HIF1A: variants seen among roughly 807,000 people sequenced by gnomAD.
HIF1A encodes hypoxia-inducible factor 1-alpha.
A neutral mutation model predicts 92.7 loss-of-function variants in HIF1A; 24 were observed. That is an observed-to-expected ratio of 0.26 (90% CI 0.19 to 0.36). The LOEUF is 0.36. Among genes scored for constraint, HIF1A ranks in the 10% least tolerant of loss-of-function variants. HIF1A has a pLI of 1.00. For missense variants in HIF1A, 799 were observed against 998.5 expected (o/e 0.80, Z 2.69); for synonymous variants, 319 against 338.7 (o/e 0.94, Z 0.64).
intron 1 of HIF1A, among the ~76,000 whole-genome samples, chr14:61,712,006 A>C (rs947952791): frequency 2.0e-5 from 3 of 152,232 alleles, no homozygotes; most frequent in African/African-American, 4.8e-5. Flanking sequence ...CAAAATAGAC[A>C]AAAGTCTCCG....
At chr14:61,728,002 G>C (rs1218525456) in intron 6 of HIF1A, among the ~76,000 whole-genome samples, 4 of 135,180 alleles carry the variant, frequency 3.0e-5, no homozygotes, top group Non-Finnish European at 4.7e-5. Context: ...CTGGATGACA[G>C]AGCAAGACTC....
intron 1 of HIF1A, among the ~76,000 whole-genome samples, chr14:61,698,263 G>C (rs2044138378): frequency 6.6e-6 from 1 of 152,120 alleles, no homozygotes; most frequent in Non-Finnish European, 1.5e-5. Flanking sequence ...ATTCTATTTT[G>C]ATTGTCCTTT....
chr14:61,721,517 G>T lies in HIF1A; in HGVS notation c.235G>T (p.Asp79Tyr). 2 of 1,612,378 alleles carry T rather than the reference G, an allele frequency of 1.2e-6. No individual in the cohort carries two copies. Among genetic ancestry groups the T allele is most frequent in the Non-Finnish European group, 1.7e-6 (2 of 1,178,934 alleles). ...VRKLLDAGDL[D>Y]IEDDMKAQMN... ...TCTTGTGCCCTTTTTAGGTGATTTG[G>T]ATATTGAAGATGACATGAAAGCACA... Residue 79 changes from aspartate (D) to tyrosine (Y), a missense_variant, in exon 3 of 15, where the codon GAT becomes TAT. This residue lies in a region of HIF1A where 516 missense variants were observed against 721.0 expected (regional missense o/e 0.72). Transcript: ENST00000337138.
chr14:61,734,421 T>C, intron 8 of HIF1A, 136 bp downstream of exon 8: 1 of 628,300 alleles, frequency 1.6e-6, no homozygotes, highest in African/African-American at 1.9e-5. Context: ...CAAATTATTA[T>C]TTTCTATACT....
At chr14:61,710,832 A>C (rs2044297638) in intron 1 of HIF1A, among the ~76,000 whole-genome samples, 3 of 152,050 alleles carry the variant, frequency 2.0e-5, no homozygotes, top group Admixed American at 2.0e-4. Flanking sequence ...AGGCTGAGGC[A>C]GGCGGATCAA....
Position 61,734,157 on chromosome 14 carries a change from C to A in HIF1A, c.900C>A (p.Val300=), listed in dbSNP as rs1470762935. ...CCCTAGTGTTTACTAAAGGACAAGT[C>A]ACCACAGGACAGTACAGGATGCTTG... ...THHDMFTKGQ[V]TTGQYRMLAK... is the part of the protein sequence containing the mutation. The change falls in exon 8 of 15, where the codon GTC becomes GTA. Residue 300 remains valine, a synonymous_variant. Coordinates refer to ENST00000337138, the MANE Select transcript of HIF1A (RefSeq NM_001530.4). The A allele has an allele frequency of 1.0e-5, 16 of 1,569,444 alleles. No individual in the cohort carries two copies. The Admixed American group carries it at 1.5e-4, about 15-fold the overall frequency.
Position 61,740,810 on chromosome 14 carries a change from TC to T in HIF1A, c.1717del (p.Gln573SerfsTer11). 6.2e-7 allele frequency: 1 copy of T among 1,614,118 alleles called. No individual in the cohort carries two copies. Among genetic ancestry groups the T allele is most frequent in the Non-Finnish European group, 8.5e-7 (1 of 1,179,990 alleles). ...LAPYIPMDDD[F>X]QLRSFDQLSP... ...CCCTATATCCCAATGGATGATGACT[TC>T]CAGTTACGTTCCTTCGATCAGTTGT... On this transcript the variant is annotated frameshift_variant, in exon 12 of 15. Transcript: ENST00000337138. LOFTEE classifies it high-confidence loss of function.
intron 12 of HIF1A, among the ~76,000 whole-genome samples, chr14:61,742,121 A>G (rs749608509): frequency 1.3e-5 from 2 of 152,230 alleles, no homozygotes; most frequent in East Asian, 1.9e-4. Context: ...TGTTACTTCT[A>G]TGGAGCTAGT....
rs376063813 is a variant in HIF1A, at chr14:61,738,921, G to T, written c.1536+548G>T. Among the ~76,000 whole-genome samples the T allele has an allele frequency of 7.6e-3, 1,145 of 151,506 alleles. 13 individuals are homozygous for T. The highest frequency in any genetic ancestry group is 0.019 in the African/African-American group (796 of 41,302). ...CTGGCTAATTTTTTAACCTTTTTTT[G>T]TGTGTGTGTGTGGAGTTGGGGTTCT... On this transcript the variant is annotated intron_variant, in intron 10 of 14. Coordinates refer to ENST00000337138, the MANE Select transcript of HIF1A (RefSeq NM_001530.4).
rs1212632829 is a variant in HIF1A at position 61,735,219 on chromosome 14, A to C, written c.1028+934A>C. ...TCATTTCCAAGATAAACACTTGCCT[A>C]GGTGTACAGCATCCTTGTTTACCAT... On this transcript the variant is annotated intron_variant, in intron 8 of 14. Coordinates refer to ENST00000337138, the MANE Select transcript of HIF1A (RefSeq NM_001530.4). 2.6e-5 allele frequency among the ~76,000 whole-genome samples: 4 copies of C among 152,208 alleles called. No individual in the cohort carries two copies. In the East Asian group the frequency reaches 7.7e-4, roughly 29 times the overall value.
Position 61,738,250 on chromosome 14 carries a change from T to C in HIF1A, c.1413T>C (p.Asn471=). Residue 471 remains asparagine (N), a synonymous_variant, in exon 10 of 15, where the codon AAT becomes AAC. Transcript: ENST00000337138. ...PLRSSADPAL[N]QEVALKLEPN... ...GAAGTAGTGCTGACCCTGCACTCAA[T>C]CAAGAAGTTGCATTAAAATTAGAAC... 1 of 1,614,060 alleles carries C rather than the reference T, an allele frequency of 6.2e-7. No individual in the cohort carries two copies. The highest frequency in any genetic ancestry group is 8.5e-7 in the Non-Finnish European group (1 of 1,179,996).
chr14:61,697,899 G>C (rs1391324896), intron 1 of HIF1A: 2 of 1,522,918 alleles, frequency 1.3e-6, no homozygotes, highest in Admixed American at 4.1e-5. Flanking sequence ...CTTTTTAAAA[G>C]AAGGTCTAGG....
At chr14:61,739,680 C>T (rs2044683032) in intron 10 of HIF1A, among the ~76,000 whole-genome samples, 1 of 152,126 alleles carries the variant, frequency 6.6e-6, no homozygotes, top group African/African-American at 2.4e-5. Flanking sequence ...GTTTAGAATA[C>T]ACAGCTATAG....
At chr14:61,709,159 A>AGTGCT in intron 1 of HIF1A, among the ~76,000 whole-genome samples, 1 of 152,184 alleles carries the variant, frequency 6.6e-6, no homozygotes, top group Non-Finnish European at 1.5e-5. Context: ...AGCCTCCCAA[A>AGTGCT]GTGCTGGGAT....
In HIF1A at chr14:61,748,086, A is replaced by G. The variant is rs114812759; in HGVS notation, c.*1001A>G. Reference sequence around the variant, plus strand: ...CATCCTTTTTTTCATGTAGATTTCAATAATTGAGTAATTTTAGAAGCATTA... The same window carrying G: ...CATCCTTTTTTTCATGTAGATTTCAGTAATTGAGTAATTTTAGAAGCATTA... On this transcript the variant is annotated 3_prime_UTR_variant, in exon 15 of 15. Coordinates refer to ENST00000337138, the MANE Select transcript of HIF1A (RefSeq NM_001530.4). 1 of 152,662 alleles carries G rather than the reference A, an allele frequency of 6.6e-6. No individual in the cohort carries two copies. The highest frequency in any genetic ancestry group is 2.4e-5 in the African/African-American group (1 of 41,570). 9.5% of individuals were successfully genotyped at this position (152,662 alleles called of 1,614,324 possible). A position where few individuals can be genotyped will look rare whatever the true frequency, so the allele number is the denominator to read the frequency against.
intron 1 of HIF1A, chr14:61,697,796 A>G: frequency 6.8e-7 from 1 of 1,464,908 alleles, no homozygotes; most frequent in Non-Finnish European, 8.9e-7. Flanking sequence ...TTGAAAGATA[A>G]CTGAGAGGTT....
chr14:61,697,530 C>T (rs1015447), intron 1 of HIF1A: 214,035 of 223,470 alleles, frequency 0.96, 103,057 homozygotes, highest in Non-Finnish European at 1. Flanking sequence ...AGTTTTGAAA[C>T]GAATTAATAA....
At chr14:61,744,855 T>A in intron 13 of HIF1A, 42 bp downstream of exon 13, 1 of 817,402 alleles carries the variant, frequency 1.2e-6, no homozygotes, top group Non-Finnish European at 2.0e-6. Context: ...GCTAATGTGC[T>A]ATTTCGTGTG....
At chr14:61,740,296 AC>A (rs1465635203) in intron 10 of HIF1A, 5 of 351,064 alleles carry the variant, frequency 1.4e-5, no homozygotes, top group African/African-American at 2.1e-5. Flanking sequence ...CGATCTCTTG[AC>A]CTCATTATCC....
Sources: gnomAD v4.1 joint callset for allele counts (sites outside exome capture counted in the v4.1 genomes callset) on GRCh38, gnomAD v4.1.1 for gene constraint, gnomAD v4.1.1 regional missense constraint, MANE v1.5 for transcripts, NCBI Gene and HGNC (gene_info 2026-07-23, HGNC 2026-07-21) for gene names.